The following SEC63 variants were observed in gnomAD, a reference collection of about 807,000 sequenced individuals.
The protein encoded by SEC63 is SEC63 protein translocation regulator.
SEC63 carries 56 observed loss-of-function variants against 116.2 expected under a neutral mutation model. The ratio of observed to expected loss-of-function variants is 0.48; its 90% CI spans 0.39 to 0.60. SEC63 has a LOEUF of 0.60. SEC63 is among the 20% of genes least tolerant of loss of function. SEC63 has a pLI of 0.00. For synonymous variants in SEC63, 273 were observed against 294.6 expected (o/e 0.93, Z 0.75); for missense variants, 668 against 900.0 (o/e 0.74, Z 3.30).
chr6:107,945,829 C>G (rs1167484530), intron 1 of SEC63, among the ~76,000 whole-genome samples: 1 of 152,128 alleles, frequency 6.6e-6, no homozygotes, highest in African/African-American at 2.4e-5. Flanking sequence ...ATAAGCCTAT[C>G]TTTATCAGGT....
intron 1 of SEC63, among the ~76,000 whole-genome samples, chr6:107,949,777 G>T (rs181819579): frequency 4.6e-5 from 7 of 152,104 alleles, no homozygotes; most frequent in Middle Eastern, 6.8e-3. Flanking sequence ...CTAAAGGTGC[G>T]TGCCACCATG....
intron 4 of SEC63, among the ~76,000 whole-genome samples, chr6:107,915,636 A>T (rs994506421): frequency 3.1e-4 from 46 of 147,612 alleles, no homozygotes; most frequent in African/African-American, 9.1e-4. Context: ...AAATCTGATT[A>T]AAAAAAAAAT....
chr6:107,907,528 G>A (rs187946703), intron 8 of SEC63, among the ~76,000 whole-genome samples: 1 of 152,322 alleles, frequency 6.6e-6, no homozygotes, highest in Admixed American at 6.5e-5. Context: ...GTTGTGGTGA[G>A]CTGAGATTGT....
intron 8 of SEC63, among the ~76,000 whole-genome samples, chr6:107,908,242 T>C (rs1045711859): frequency 2.0e-5 from 3 of 152,134 alleles, no homozygotes; most frequent in Non-Finnish European, 4.4e-5. Context: ...GCAGCTATGA[T>C]TTTTGCAGAG....
chr6:107,869,370 T>C lies in SEC63; in HGVS notation c.*2334A>G, dbSNP rs1027608032. 11 of 152,214 alleles carry C rather than the reference T, an allele frequency of 7.2e-5. No homozygotes were observed. Among genetic ancestry groups the C allele is most frequent in the African/African-American group, 2.7e-4 (11 of 41,468 alleles). The allele number at this position is 152,214 out of a possible 1,614,324, so 9.4% of individuals were successfully genotyped here. On this transcript the variant is annotated 3_prime_UTR_variant, in exon 21 of 21. Transcript: ENST00000369002. ...CTCCTCATGAACAGCTGTATTTTAA[T>C]AGGTACTTTACCAATTAGAGAAAAA...
chr6:107,881,414 T>A (rs1028144213), intron 17 of SEC63, among the ~76,000 whole-genome samples, 164 bp from the exon 18 acceptor site: 3 of 152,130 alleles, frequency 2.0e-5, no homozygotes, highest in African/African-American at 7.2e-5. Flanking sequence ...AATGCCTTTT[T>A]AAATATATTA....
intron 1 of SEC63, among the ~76,000 whole-genome samples, chr6:107,955,814 T>C (rs931455209): frequency 6.6e-6 from 1 of 151,990 alleles, no homozygotes; most frequent in Non-Finnish European, 1.5e-5. Context: ...ACCCAGCAGG[T>C]GGAGGCTGCA....
intron 1 of SEC63, among the ~76,000 whole-genome samples, chr6:107,943,064 A>G (rs1009357192): frequency 6.6e-6 from 1 of 152,260 alleles, no homozygotes; most frequent in Non-Finnish European, 1.5e-5. Flanking sequence ...GAGAACCTCA[A>G]GAGATCACTT....
chr6:107,912,436 A>T (rs1051422937), intron 6 of SEC63, among the ~76,000 whole-genome samples: 4 of 152,196 alleles, frequency 2.6e-5, no homozygotes, highest in Admixed American at 6.5e-5. Context: ...TGCAAAAATT[A>T]GCCAGGCATG....
At chr6:107,880,261 C>T (rs184054826) in intron 18 of SEC63, among the ~76,000 whole-genome samples, 2 of 152,322 alleles carry the variant, frequency 1.3e-5, no homozygotes, top group African/African-American at 4.8e-5. Context: ...AAGCAGTCCC[C>T]AGAAACTCTA....
chr6:107,922,659 G>A (rs1012830817), intron 3 of SEC63, among the ~76,000 whole-genome samples: 1 of 152,098 alleles, frequency 6.6e-6, no homozygotes, highest in Non-Finnish European at 1.5e-5. Flanking sequence ...TGACCTTAAT[G>A]GTTTCTTAGT....
intron 18 of SEC63, 175 bp from the exon 19 acceptor site, chr6:107,876,837 T>C (rs1337342636): frequency 3.4e-5 from 20 of 582,004 alleles, no homozygotes; most frequent in Middle Eastern, 4.6e-4. Flanking sequence ...TTCTTAACAT[T>C]TGTAGATCCA....
intron 16 of SEC63, among the ~76,000 whole-genome samples, chr6:107,884,284 A>G (rs544884213): frequency 6.6e-6 from 1 of 151,744 alleles, no homozygotes; most frequent in East Asian, 1.9e-4. Flanking sequence ...AGAGAGATAC[A>G]GAAAAAGAAA....
At chr6:107,880,890 A>G (rs759205490) in intron 18 of SEC63, 2 of 410,630 alleles carry the variant, frequency 4.9e-6, no homozygotes, top group Non-Finnish European at 4.5e-6. Flanking sequence ...CATAACACTC[A>G]GTAATCAGGG....
In SEC63 at chr6:107,922,291, G is replaced by A. The variant is rs1787576518; in HGVS notation, c.340-382C>T. 2.0e-5 allele frequency among the ~76,000 whole-genome samples: 3 copies of A among 152,186 alleles called. 1 individual carries two copies. In the South Asian group the frequency reaches 6.2e-4, roughly 31 times the overall value. On this transcript the variant is annotated intron_variant, in intron 3 of 20. Transcript: ENST00000369002. ...AGCCAAGGTGGGCGGATCACCTGAG[G>A]TCAGGAGTTCAAGACCAGCTTGGCC...
intron 7 of SEC63, 23 bp from the exon 8 acceptor site, chr6:107,909,058 CAAGA>C (rs764273894): frequency 6.5e-6 from 10 of 1,529,962 alleles, no homozygotes; most frequent in Admixed American, 5.0e-5. Context: ...AAAAATTAAA[CAAGA>C]AAGAAAGTAT....
At chr6:107,914,362 C>A (rs1009311630) in intron 4 of SEC63, among the ~76,000 whole-genome samples, 1 of 152,132 alleles carries the variant, frequency 6.6e-6, no homozygotes, top group Non-Finnish European at 1.5e-5. Flanking sequence ...CGTACTTCTA[C>A]TTCTCAAAAC....
rs778645054 is a variant in SEC63 at position 107,908,960 on chromosome 6, A to C, written c.700T>G (p.Phe234Val). ...TCCATATTTCGGGTTTTATAAACAA[A>C]GTATGTATAAATCTGTGTTGTGCGT... is the stretch of plus-strand genomic sequence containing the variant. ...LIRTTQIYTY[F>V]VYKTRNMDMK... is the part of the protein sequence containing the mutation. Residue 234 changes from phenylalanine (F) to valine (V), a missense_variant, in exon 8 of 21, where the codon TTT (phenylalanine) becomes GTT (valine). By Grantham distance (50) the Phe-to-Val change is conservative. This residue lies in a region of SEC63 where 430 missense variants were observed against 557.5 expected (regional missense o/e 0.77). Transcript: ENST00000369002. The C allele has an allele frequency of 3.1e-6, 5 of 1,612,416 alleles. No homozygotes were observed. Among genetic ancestry groups the C allele is most frequent in the Non-Finnish European group, 3.4e-6 (4 of 1,178,530 alleles).
At chr6:107,940,038 T>C (rs1055270044) in intron 1 of SEC63, among the ~76,000 whole-genome samples, 25 of 152,280 alleles carry the variant, frequency 1.6e-4, no homozygotes, top group African/African-American at 6.0e-4. Flanking sequence ...TTGTTCACCA[T>C]CACCACCACC....
Sources: gnomAD v4.1 joint callset for allele counts (sites outside exome capture counted in the v4.1 genomes callset) on GRCh38, gnomAD v4.1.1 for gene constraint, gnomAD v4.1.1 regional missense constraint, MANE v1.5 for transcripts, NCBI Gene and HGNC (gene_info 2026-07-23, HGNC 2026-07-21) for gene names.